Variants in PI4K2A observed in about 807,000 individuals in gnomAD.
PI4K2A encodes the protein phosphatidylinositol 4-kinase type 2-alpha.
In PI4K2A, 20 loss-of-function variants were observed where a neutral mutation model predicts 55.0. That is an observed-to-expected ratio of 0.36 (90% CI 0.26 to 0.53). The LOEUF (loss-of-function observed/expected upper bound fraction) is 0.53. PI4K2A is among the 20% of genes least tolerant of loss of function. PI4K2A has a pLI of 0.91. For synonymous variants in PI4K2A, 235 were observed against 258.5 expected (o/e 0.91, Z 0.87); for missense variants, 463 against 637.1 (o/e 0.73, Z 2.94).
chr10:97,673,508 A>T, intron 8 of PI4K2A, 73 bp from the exon 9 acceptor site: 2 of 1,304,358 alleles, frequency 1.5e-6, no homozygotes, highest in Non-Finnish European at 2.2e-6. Context: ...CGTCCTCTCT[A>T]CTGATCTCCT....
intron 1 of PI4K2A, among the ~76,000 whole-genome samples, chr10:97,647,503 A>C (rs565561792): frequency 2.0e-5 from 3 of 152,324 alleles, no homozygotes; most frequent in Non-Finnish European, 2.9e-5. Flanking sequence ...TGATTTTATG[A>C]AGTGAACATT....
chr10:97,674,021 G>A (rs945071614), exon 9 of PI4K2A: 3 of 394,210 alleles, frequency 7.6e-6, no homozygotes, highest in Non-Finnish European at 1.4e-5. Flanking sequence ...GCTGGTAGCA[G>A]GCTGGGACAG....
chr10:97,665,722 A>T (rs1322314517), intron 6 of PI4K2A, among the ~76,000 whole-genome samples: 3 of 151,814 alleles, frequency 2.0e-5, no homozygotes, highest in African/African-American at 7.3e-5. Flanking sequence ...CCTCCCGAGT[A>T]GCTGGGACTA....
intron 2 of PI4K2A, among the ~76,000 whole-genome samples, chr10:97,653,245 T>C (rs374896444): frequency 6.6e-6 from 1 of 152,160 alleles, no homozygotes; most frequent in Non-Finnish European, 1.5e-5. Flanking sequence ...GCTTCTGGAG[T>C]GTGGTGCCCA....
chr10:97,642,367 C>T (rs2041474046), intron 1 of PI4K2A, among the ~76,000 whole-genome samples: 1 of 151,198 alleles, frequency 6.6e-6, no homozygotes, highest in African/African-American at 2.4e-5. Context: ...GAAAGCTTTG[C>T]GAGTAATAAG....
rs559105267 is a variant in PI4K2A, at chr10:97,656,512, C to T, written c.768+96C>T. ...GGTGCCTACAACTCAAATATGGGCA[C>T]GTGAATAACCTGCCCTGAGGATCCT... On this transcript the variant is annotated intron_variant, in intron 3 of 8. Transcript: ENST00000370631. The surrounding 1 kb of genome is among the most constrained non-coding windows in gnomAD (Gnocchi z 4.5). 31 of 1,130,708 alleles carry T rather than the reference C, an allele frequency of 2.7e-5. No homozygotes were observed. Among genetic ancestry groups the T allele is most frequent in the Admixed American group, 2.1e-4 (11 of 52,056 alleles). 70.0% of individuals were successfully genotyped at this position (1,130,708 alleles called of 1,614,324 possible). A position where few individuals can be genotyped will look rare whatever the true frequency, so the allele number is the denominator to read the frequency against.
chr10:97,642,845 T>G (rs2041480157), intron 1 of PI4K2A, among the ~76,000 whole-genome samples: 1 of 42,114 alleles, frequency 2.4e-5, no homozygotes, highest in Admixed American at 1.8e-4. Flanking sequence ...CTTCCTTCCT[T>G]CCTTCCTTTC....
chr10:97,666,523 C>T, exon 7 of PI4K2A: 1 of 1,613,586 alleles, frequency 6.2e-7, no homozygotes, highest in Non-Finnish European at 8.5e-7. Flanking sequence ...AGATATCGGA[C>T]CCTAACTTCG....
intron 2 of PI4K2A, 76 bp downstream of exon 2, chr10:97,651,217 T>A: frequency 1.8e-6 from 2 of 1,113,350 alleles, no homozygotes; most frequent in Non-Finnish European, 2.7e-6. Flanking sequence ...TACATGTTAG[T>A]GGGACCTTGG....
chr10:97,661,808 A>C (rs561576437), intron 4 of PI4K2A, among the ~76,000 whole-genome samples: 3 of 151,722 alleles, frequency 2.0e-5, no homozygotes, highest in South Asian at 4.2e-4. Context: ...GTTTCCTGTA[A>C]ATTTACTGCT....
intron 4 of PI4K2A, 34 bp from the exon 5 acceptor site, chr10:97,662,873 C>T: frequency 6.9e-6 from 10 of 1,454,064 alleles, no homozygotes; most frequent in Non-Finnish European, 9.7e-6. Context: ...AATCATCCCC[C>T]CTTTTTCTGC....
chr10:97,673,314 C>T (rs2041645781), intron 8 of PI4K2A, among the ~76,000 whole-genome samples: 1 of 151,988 alleles, frequency 6.6e-6, no homozygotes, highest in Non-Finnish European at 1.5e-5. Flanking sequence ...TTGAATTCTC[C>T]CCAACTCTGC....
At chr10:97,665,327 T>C (rs2041604545) in intron 6 of PI4K2A, among the ~76,000 whole-genome samples, 1 of 152,044 alleles carries the variant, frequency 6.6e-6, no homozygotes, top group South Asian at 2.1e-4. Flanking sequence ...CAGGCTAGAG[T>C]GCAATGGTGC....
intron 2 of PI4K2A, among the ~76,000 whole-genome samples, chr10:97,653,870 T>C (rs1457102122): frequency 6.6e-6 from 1 of 152,166 alleles, no homozygotes; most frequent in African/African-American, 2.4e-5. Context: ...TGAGCTGAGA[T>C]TGTGCCACCA....
chr10:97,673,960 C>G (rs1275277721), exon 9 of PI4K2A: 1 of 534,052 alleles, frequency 1.9e-6, no homozygotes, highest in Non-Finnish European at 3.3e-6. Flanking sequence ...GGCTGGAGCT[C>G]CATGCACGTA....
In PI4K2A at chr10:97,667,108, C is replaced by CA; in HGVS notation, c.1267dup (p.Met423AsnfsTer40). The CA allele has an allele frequency of 6.2e-7, 1 of 1,612,850 alleles. No individual in the cohort carries two copies. The highest frequency in any genetic ancestry group is 8.5e-7 in the Non-Finnish European group (1 of 1,178,926). On this transcript the variant is annotated frameshift_variant, in exon 8 of 9. Coordinates refer to ENST00000370631, the Ensembl canonical transcript of PI4K2A. LOFTEE classifies it high-confidence loss of function. ...GCCAGTTCCATAAGCAGATTGCTGT[C>CA]ATGCGGGGCCAGGTAAGCCTGGGAC...
rs746619512 is a variant in PI4K2A, at chr10:97,656,948, T to C, written c.896T>C (p.Val299Ala). The change falls in exon 4 of 9, where the codon GTG (valine) becomes GCG (alanine). Residue 299 changes from valine to alanine, a missense_variant. Val to Ala is a moderately conservative substitution (Grantham distance 64). Transcript: ENST00000370631. This position sits in a 1 kb window ranked among gnomAD's most constrained non-coding sequence, Gnocchi z 4.5. The stretch of plus-strand genomic sequence containing the variant: ...CTGCTCCAGTTTGAGCGGTTGGTGG[T>C]GCTGGATTACATCATCCGCAACACT... 3.7e-6 allele frequency: 6 copies of C among 1,614,178 alleles called. No homozygotes were observed. In the South Asian group the frequency reaches 5.5e-5, roughly 15 times the overall value.
Position 97,656,865 on chromosome 10 carries a change from C to A in PI4K2A, c.813C>A (p.Asp271Glu), listed in dbSNP as rs1399856625. 2 of 1,614,146 alleles carry A rather than the reference C, an allele frequency of 1.2e-6. No individual in the cohort carries two copies. Among genetic ancestry groups the A allele is most frequent in the East Asian group, 4.5e-5 (2 of 44,890 alleles). The change falls in exon 4 of 9, where the codon GAC becomes GAA. Residue 271 changes from aspartate to glutamate, a missense_variant. By Grantham distance (45) the Asp-to-Glu change is conservative. Around this residue, in one of 2 missense-constraint regions of PI4K2A, gnomAD observed 277 missense variants for 432.6 expected, o/e 0.64. Transcript: ENST00000370631. This position sits in a 1 kb window ranked among gnomAD's most constrained non-coding sequence, Gnocchi z 4.5. ...TTGTTGAAGGCTACAAAGATGCAGA[C>A]TATTGGCTGCGGCGTTTTGAAGCAG...
intron 4 of PI4K2A, among the ~76,000 whole-genome samples, chr10:97,661,218 C>G (rs535575590): frequency 7.2e-5 from 11 of 152,120 alleles, no homozygotes; most frequent in Non-Finnish European, 1.5e-4. Context: ...GTCTCGATCT[C>G]CTGACCTCGT....
Sources: allele counts gnomAD v4.1 joint callset (sites outside exome capture counted in the v4.1 genomes callset), GRCh38; gene constraint gnomAD v4.1.1; regional missense constraint gnomAD v4.1.1; non-coding constraint Gnocchi (gnomAD v3.1); transcripts MANE v1.5; gene names NCBI Gene and HGNC (gene_info 2026-07-23, HGNC 2026-07-21).